Variants in VPS53 observed in about 807,000 individuals in gnomAD.
The protein encoded by VPS53 is vacuolar protein sorting-associated protein 53 homolog.
A neutral mutation model predicts 107.0 loss-of-function variants in VPS53; 70 were observed. The observed-to-expected ratio is 0.65, with a 90% CI of 0.54 to 0.80. The LOEUF (loss-of-function observed/expected upper bound fraction) is 0.80, where lower values mean the gene tolerates loss of function less well. Among genes scored for constraint, VPS53 ranks in the 30% least tolerant of loss-of-function variants. The pLI is 0.00. For missense variants in VPS53, 917 were observed against 1,049.4 expected, an observed-to-expected ratio of 0.87 and a Z score of 1.74; for synonymous variants, 409 against 393.3, an observed-to-expected ratio of 1.04 and a Z score of -0.47.
chr17:626,333 C>T (rs185674108), intron 10 of VPS53, among the ~76,000 whole-genome samples: 4 of 151,962 alleles, frequency 2.6e-5, no homozygotes, highest in Non-Finnish European at 4.4e-5. Context: ...TCATGGATAA[C>T]GTAGAGAGGA....
intron 13 of VPS53, among the ~76,000 whole-genome samples, chr17:565,062 G>C (rs1480917903): frequency 6.6e-6 from 1 of 152,160 alleles, no homozygotes; most frequent in East Asian, 1.9e-4. Flanking sequence ...CCAATTAGCA[G>C]GAATAGGAGA....
rs185162778 is a variant in VPS53 at position 644,010 on chromosome 17, G to A, written c.608+9281C>T. On this transcript the variant is annotated intron_variant, in intron 7 of 21. Transcript: ENST00000437048. ...AAATGGCTGTGAAAAATATATTTTC[G>A]TTCAAGAGTTTCATGGTTTTCAAGA... 7.7e-4 allele frequency among the ~76,000 whole-genome samples: 117 copies of A among 152,242 alleles called. 1 individual carries two copies. Among genetic ancestry groups the A allele is most frequent in the African/African-American group, 2.4e-3 (100 of 41,554 alleles).
chr17:603,708 A>C (rs1233758509), intron 11 of VPS53, among the ~76,000 whole-genome samples: 1 of 152,170 alleles, frequency 6.6e-6, no homozygotes, highest in Admixed American at 6.6e-5. Flanking sequence ...TGCACACTCC[A>C]AACTTTGGCT....
chr17:525,361 A>T (rs985587783), intron 19 of VPS53, among the ~76,000 whole-genome samples: 1 of 152,178 alleles, frequency 6.6e-6, no homozygotes, highest in Non-Finnish European at 1.5e-5. Context: ...GGCGGTCTTC[A>T]GCAATAACTG....
intron 4 of VPS53, among the ~76,000 whole-genome samples, chr17:679,455 A>G (rs1972305668): frequency 6.6e-6 from 1 of 152,138 alleles, no homozygotes; most frequent in Non-Finnish European, 1.5e-5. Context: ...CGGAGCTTGC[A>G]GTGAGCCGAG....
At chr17:688,644 C>T (rs531277084) in intron 4 of VPS53, among the ~76,000 whole-genome samples, 17 of 152,164 alleles carry the variant, frequency 1.1e-4, no homozygotes, top group Non-Finnish European at 2.2e-4. Context: ...TCGCCCGCCC[C>T]GCCTCAACTA....
chr17:663,024 G>A (rs933445295), intron 4 of VPS53, among the ~76,000 whole-genome samples: 1 of 151,684 alleles, frequency 6.6e-6, no homozygotes, highest in Non-Finnish European at 1.5e-5. Flanking sequence ...TGGGGAACAT[G>A]GCAAGACTCG....
intron 17 of VPS53, among the ~76,000 whole-genome samples, chr17:546,205 C>A (rs1447888094): frequency 6.6e-6 from 1 of 152,102 alleles, no homozygotes; most frequent in Non-Finnish European, 1.5e-5. Context: ...AAAATTAACT[C>A]GAAATGGATT....
intron 19 of VPS53, among the ~76,000 whole-genome samples, chr17:525,700 AAAG>A (rs1567598137): frequency 2.0e-5 from 3 of 151,712 alleles, no homozygotes; most frequent in Non-Finnish European, 4.4e-5. Context: ...TCTCTTAAGA[AAAG>A]AAAAAAAAAA....
intron 2 of VPS53, among the ~76,000 whole-genome samples, chr17:700,478 G>C (rs1193411435): frequency 6.6e-6 from 1 of 152,098 alleles, no homozygotes; most frequent in Non-Finnish European, 1.5e-5. Flanking sequence ...TTGAACCCGG[G>C]AGGCAGAGGT....
At chr17:653,536 G>A in intron 6 of VPS53, 126 bp from the exon 7 acceptor site, 1 of 1,423,534 alleles carries the variant, frequency 7.0e-7, no homozygotes, top group Non-Finnish European at 9.5e-7. Flanking sequence ...GCTGAGCACT[G>A]AGTATATAAG....
At chr17:580,074 T>C (rs1373506722) in intron 13 of VPS53, among the ~76,000 whole-genome samples, 1 of 148,040 alleles carries the variant, frequency 6.8e-6, no homozygotes, top group Non-Finnish European at 1.5e-5. Context: ...CAGGACCTAA[T>C]GCGGTCCCAG....
intron 17 of VPS53, among the ~76,000 whole-genome samples, chr17:550,771 G>C (rs564247857): frequency 6.6e-6 from 1 of 151,994 alleles, no homozygotes; most frequent in South Asian, 2.1e-4. Flanking sequence ...AAAGGCATAG[G>C]CACATAAAAG....
chr17:653,504 C>A, intron 6 of VPS53, 94 bp from the exon 7 acceptor site: 11 of 1,570,712 alleles, frequency 7.0e-6, no homozygotes, highest in Middle Eastern at 1.7e-4. Flanking sequence ...AAACAGATAT[C>A]AACTCAGCTG....
intron 2 of VPS53, among the ~76,000 whole-genome samples, chr17:701,531 C>A (rs912660925): frequency 6.6e-6 from 1 of 151,792 alleles, no homozygotes; most frequent in Non-Finnish European, 1.5e-5. Flanking sequence ...GCACATGCCA[C>A]CACGCCCAGC....
In VPS53 at chr17:558,920, G is replaced by A. The variant is rs1912693233; in HGVS notation, c.1704+1506C>T. Reference sequence around the variant, plus strand: ...TGAGGCAGAAGAATTGCTTGAACCTGGGAGGTGGAGGCTGCAATGAGCCAA... The same window carrying A: ...TGAGGCAGAAGAATTGCTTGAACCTAGGAGGTGGAGGCTGCAATGAGCCAA... On this transcript the variant is annotated intron_variant, in intron 15 of 21. Transcript: ENST00000437048. 4.6e-5 allele frequency among the ~76,000 whole-genome samples: 7 copies of A among 151,732 alleles called. No individual in the cohort carries two copies. In the South Asian group the frequency reaches 1.5e-3, roughly 32 times the overall value.
At chr17:523,232 G>A (rs1464998434) in intron 19 of VPS53, 1 of 152,676 alleles carries the variant, frequency 6.5e-6, no homozygotes, top group Admixed American at 6.5e-5. Flanking sequence ...GAAGACAGAA[G>A]GGTGTACTCT....
chr17:525,382 C>T (rs1909054331), intron 19 of VPS53, among the ~76,000 whole-genome samples: 1 of 152,120 alleles, frequency 6.6e-6, no homozygotes, highest in South Asian at 2.1e-4. Flanking sequence ...TAATGATTTA[C>T]TTTACATAAA....
intron 5 of VPS53, chr17:656,685 C>G (rs1221925908): frequency 3.4e-6 from 2 of 584,772 alleles, no homozygotes; most frequent in Non-Finnish European, 5.9e-6. Flanking sequence ...TTTCTTGGTC[C>G]ATGCTGACTA....
Sources: allele counts gnomAD v4.1 joint callset (sites outside exome capture counted in the v4.1 genomes callset), GRCh38; gene constraint gnomAD v4.1.1; transcripts MANE v1.5; gene names NCBI Gene and HGNC (gene_info 2026-07-23, HGNC 2026-07-21).